Variants in CEP126 observed in about 807,000 individuals in gnomAD.
CEP126 encodes centrosomal protein 126, also known as centrosomal protein of 126 kDa.
Under a neutral mutation model 107.8 loss-of-function variants are expected in CEP126, and 74 were observed. The ratio of observed to expected loss-of-function variants is 0.69; its 90% CI spans 0.57 to 0.83. CEP126 has a LOEUF of 0.83. CEP126 is among the 40% of genes least tolerant of loss of function. The pLI, the probability that CEP126 is intolerant of heterozygous loss-of-function variation, is 0.00. For missense variants in CEP126, 1,237 were observed against 1,281.9 expected (o/e 0.96, Z 0.53); for synonymous variants, 449 against 446.0 (o/e 1.01, Z -0.08).
intron 2 of CEP126, among the ~76,000 whole-genome samples, chr11:101,933,969 A>G (rs574520882): frequency 6.6e-6 from 1 of 152,156 alleles, no homozygotes; most frequent in South Asian, 2.1e-4. Flanking sequence ...GTTTTTCTCT[A>G]TGATAAAGGA....
intron 3 of CEP126, among the ~76,000 whole-genome samples, chr11:101,945,232 A>C (rs1456419572): frequency 6.6e-6 from 1 of 152,236 alleles, no homozygotes; most frequent in Non-Finnish European, 1.5e-5. Flanking sequence ...AAATGACTTA[A>C]GTCGGATCTT....
chr11:101,937,911 T>C (rs910165353), intron 2 of CEP126, among the ~76,000 whole-genome samples: 23 of 151,596 alleles, frequency 1.5e-4, no homozygotes, highest in African/African-American at 5.6e-4. Context: ...CCCAGCACTT[T>C]GGGAGGCCGA....
At chr11:101,961,657 G>A in intron 5 of CEP126, 84 bp from the exon 6 acceptor site, 2 of 697,280 alleles carry the variant, frequency 2.9e-6, no homozygotes, top group East Asian at 2.7e-5. Context: ...GGAGAATTGG[G>A]CTCAGTAACA....
intron 2 of CEP126, among the ~76,000 whole-genome samples, chr11:101,925,624 C>T (rs559328655): frequency 1.7e-4 from 25 of 147,742 alleles, no homozygotes; most frequent in Admixed American, 1.4e-3. Flanking sequence ...CAAAAACTAG[C>T]CAGGTGTTGT....
In CEP126 at chr11:101,915,481, A is replaced by G. The variant is rs942735925; in HGVS notation, c.128+69A>G. The G allele has an allele frequency of 3.2e-6, 5 of 1,549,758 alleles. No homozygotes were observed. The Admixed American group carries it at 7.5e-5, about 23-fold the overall frequency. ...ACGGGGCCCATCTTTTTCCAATTAG[A>G]TTCCCATTACCTTTGACGCAGGGTG... On this transcript the variant is annotated intron_variant, in intron 1 of 10. Coordinates refer to ENST00000263468, the MANE Select transcript of CEP126 (RefSeq NM_020802.4).
intron 1 of CEP126, among the ~76,000 whole-genome samples, chr11:101,915,839 A>C (rs920460850): frequency 3.3e-5 from 5 of 152,246 alleles, no homozygotes; most frequent in African/African-American, 1.2e-4. Flanking sequence ...ATCCTAACAC[A>C]GCCCTAAATG....
intron 6 of CEP126, among the ~76,000 whole-genome samples, chr11:101,966,381 A>T (rs531476625): frequency 1.7e-4 from 26 of 152,090 alleles, no homozygotes; most frequent in African/African-American, 6.3e-4. Flanking sequence ...TCTTATTTGC[A>T]GTTCATTTTA....
intron 7 of CEP126, among the ~76,000 whole-genome samples, chr11:101,981,194 G>A (rs1178939524): frequency 6.6e-6 from 1 of 152,196 alleles, no homozygotes; most frequent in Non-Finnish European, 1.5e-5. Context: ...GGCATTAGCT[G>A]TAGTCAGATG....
intron 2 of CEP126, among the ~76,000 whole-genome samples, chr11:101,928,357 T>G (rs1268604763): frequency 6.6e-6 from 1 of 152,234 alleles, no homozygotes; most frequent in Non-Finnish European, 1.5e-5. Context: ...AGCAGAAGTT[T>G]TGAATTTTGA....
chr11:101,968,834 T>C (rs1221716017), intron 6 of CEP126, among the ~76,000 whole-genome samples: 1 of 152,164 alleles, frequency 6.6e-6, no homozygotes, highest in Non-Finnish European at 1.5e-5. Context: ...CTGTTACTAA[T>C]GAATATCAAT....
intron 5 of CEP126, among the ~76,000 whole-genome samples, chr11:101,959,372 C>T (rs941931202): frequency 6.6e-6 from 1 of 152,050 alleles, no homozygotes; most frequent in South Asian, 2.1e-4. Flanking sequence ...GCCAGATGGT[C>T]TCCATCTCTT....
rs181127084 is a variant in CEP126, at chr11:101,943,953, C to G, written c.249-312C>G. 9.9e-5 allele frequency among the ~76,000 whole-genome samples: 15 copies of G among 152,216 alleles called. No homozygotes were observed. The East Asian group carries it at 2.9e-3, about 29-fold the overall frequency. On this transcript the variant is annotated intron_variant, in intron 2 of 10. Coordinates refer to ENST00000263468, the MANE Select transcript of CEP126 (RefSeq NM_020802.4). The stretch of plus-strand genomic sequence containing the variant: ...CTTCACATTACAGAAAATGGCATAG[C>G]TTCCTTAGAAAAGGCTTTTTCCACA...
intron 4 of CEP126, among the ~76,000 whole-genome samples, chr11:101,949,702 A>T (rs1940784606): frequency 6.6e-6 from 1 of 152,206 alleles, no homozygotes; most frequent in Non-Finnish European, 1.5e-5. Flanking sequence ...AATGTCTGTC[A>T]GTCAGGATCC....
intron 4 of CEP126, among the ~76,000 whole-genome samples, chr11:101,948,869 T>C (rs1940774523): frequency 1.3e-5 from 2 of 152,214 alleles, no homozygotes; most frequent in Admixed American, 6.5e-5. Context: ...TTCATTTATA[T>C]AAATACGTCC....
chr11:101,959,416 A>T (rs1940944725), intron 5 of CEP126, among the ~76,000 whole-genome samples: 1 of 152,056 alleles, frequency 6.6e-6, no homozygotes, highest in Non-Finnish European at 1.5e-5. Flanking sequence ...GCCTCCCAAA[A>T]TGCTGGGATT....
At chr11:101,927,987 G>A (rs1187741803) in intron 2 of CEP126, among the ~76,000 whole-genome samples, 1 of 152,184 alleles carries the variant, frequency 6.6e-6, no homozygotes, top group Admixed American at 6.5e-5. Flanking sequence ...CCGTTTTTCA[G>A]AGTATAAGCG....
At chr11:101,954,792 G>A (rs1940862888) in intron 4 of CEP126, among the ~76,000 whole-genome samples, 1 of 152,004 alleles carries the variant, frequency 6.6e-6, no homozygotes, top group Admixed American at 6.6e-5. Context: ...AAAGTGCTTT[G>A]TAAAATTTGA....
Position 101,963,648 on chromosome 11 carries a change from G to A in CEP126, c.2613G>A (p.Val871=), listed in dbSNP as rs750235177. The change falls in exon 6 of 11, where the codon GTG becomes GTA. Residue 871 remains valine, a synonymous_variant. Transcript: ENST00000263468. ...ATGCTTGTTCTGACCTAGTCACTGT[G>A]ATACCATCACTGCCATCATATTGTT... The part of the protein sequence containing the change: ...LSNACSDLVT[V]IPSLPSYCSS... 2 of 1,614,106 alleles carry A rather than the reference G, an allele frequency of 1.2e-6. No individual in the cohort carries two copies. The highest frequency in any genetic ancestry group is 1.7e-5 in the Admixed American group (1 of 60,022).
chr11:101,942,652 G>GA (rs147745939), intron 2 of CEP126, among the ~76,000 whole-genome samples: 2 of 146,928 alleles, frequency 1.4e-5, no homozygotes, highest in East Asian at 2.1e-4. Flanking sequence ...TTTCTGCAAA[G>GA]AAAAAAAAAG....
Sources: gnomAD v4.1 joint callset for allele counts (sites outside exome capture counted in the v4.1 genomes callset) on GRCh38, gnomAD v4.1.1 for gene constraint, MANE v1.5 for transcripts, NCBI Gene and HGNC (gene_info 2026-07-23, HGNC 2026-07-21) for gene names.